The following IRS2 variants were observed in gnomAD, a reference collection of about 807,000 sequenced individuals.
IRS2 encodes the protein insulin receptor substrate 2.
IRS2 carries 28 observed loss-of-function variants against 70.9 expected under a neutral mutation model. The observed-to-expected ratio is 0.39, with a 90% CI of 0.29 to 0.54. The LOEUF is 0.54. Among genes scored for constraint, IRS2 ranks in the 20% least tolerant of loss-of-function variants. The probability of loss-of-function intolerance (pLI) is 0.59; values close to 1 mark genes in which losing one functional copy is unlikely to be tolerated. For missense variants in IRS2, 2,081 were observed against 2,024.1 expected (o/e 1.03, Z -0.54); for synonymous variants, 1,217 against 981.9 (o/e 1.24, Z -4.48).
At chr13:109,780,305 G>A (rs559292213) in intron 1 of IRS2, among the ~76,000 whole-genome samples, 2 of 152,252 alleles carry the variant, frequency 1.3e-5, no homozygotes, top group Admixed American at 1.3e-4. Flanking sequence ...GTTTATAATG[G>A]TCTGTGTCTT....
chr13:109,766,274 G>A (rs71439387), intron 1 of IRS2, among the ~76,000 whole-genome samples: 2 of 4,464 alleles, frequency 4.5e-4, no homozygotes, highest in South Asian at 0.014. Flanking sequence ...ATCCACCCTG[G>A]CTCCGACTCC....
At chr13:109,761,182 C>T (rs542885537) in intron 1 of IRS2, among the ~76,000 whole-genome samples, 38 of 152,328 alleles carry the variant, frequency 2.5e-4, no homozygotes, top group Non-Finnish European at 5.0e-4. Flanking sequence ...CCACGTAGGG[C>T]CCCATGGCAC....
At chr13:109,779,642 G>A (rs931487891) in intron 1 of IRS2, among the ~76,000 whole-genome samples, 8 of 152,136 alleles carry the variant, frequency 5.3e-5, no homozygotes, top group African/African-American at 1.9e-4. Context: ...ACCCAATGGG[G>A]CAGATATTTC....
rs2138931814 is a variant in IRS2, at chr13:109,783,146, G to A, written c.2908C>T (p.Arg970Trp). The change falls in exon 1 of 2, where the codon CGG becomes TGG. Residue 970 changes from arginine (R) to tryptophan (W), a missense_variant. By Grantham distance (101) the Arg-to-Trp change is moderately radical. This residue lies in a region of IRS2 where 1,615 missense variants were observed against 1,459.5 expected (regional missense o/e 1.11). Coordinates refer to ENST00000375856, the MANE Select transcript of IRS2 (RefSeq NM_003749.3). ...TAGTCGGAGAGCGGAGACCGCTGCC[G>A]GCTGTCGCTGCTGGTGCCCGGGGTG... ...SGTPGTSSDS[R>W]QRSPLSDYMN... The A allele has an allele frequency of 1.4e-6, 2 of 1,380,118 alleles. No homozygotes were observed. The highest frequency in any genetic ancestry group is 1.5e-5 in the African/African-American group (1 of 65,460). 85.5% of individuals were successfully genotyped at this position (1,380,118 alleles called of 1,614,324 possible). A position where few individuals can be genotyped will look rare whatever the true frequency, so the allele number is the denominator to read the frequency against.
At chr13:109,781,941 G>A in intron 1 of IRS2, 101 bp downstream of exon 1, 1 of 1,347,832 alleles carries the variant, frequency 7.4e-7, no homozygotes, top group Non-Finnish European at 1.0e-6. Context: ...GTCGGCTTCT[G>A]GGTCAAGGTC....
intron 1 of IRS2, among the ~76,000 whole-genome samples, chr13:109,767,274 G>A (rs77419996): frequency 0.042 from 6,330 of 152,204 alleles, 169 homozygotes; most frequent in Admixed American, 0.055. Flanking sequence ...GTCCAGGCGG[G>A]CCACACCGGG....
Position 109,782,741 on chromosome 13 carries a change from C to T in IRS2, c.3313G>A (p.Val1105Met), listed in dbSNP as rs1258579269. 5 of 1,598,292 alleles carry T rather than the reference C, an allele frequency of 3.1e-6. No homozygotes were observed. The highest frequency in any genetic ancestry group is 1.7e-5 in the Admixed American group (1 of 58,590). The change falls in exon 1 of 2, where the codon GTG (valine) becomes ATG (methionine). Residue 1105 changes from valine (V) to methionine (M), a missense_variant. By Grantham distance (21) the Val-to-Met change is conservative. Around this residue, in one of 4 missense-constraint regions of IRS2, gnomAD observed 1,615 missense variants for 1,459.5 expected, o/e 1.11. Coordinates refer to ENST00000375856, the MANE Select transcript of IRS2 (RefSeq NM_003749.3). The stretch of plus-strand genomic sequence containing the variant: ...TGCTCCATGAGGCTCAGCCTCTTCA[C>T]GCCCGACGTCGGGCTGGCCACGCGG... ...AARVASPTSG[V>M]KRLSLMEQVS... is the part of the protein sequence containing the mutation.
chr13:109,758,371 G>A (rs1316190823), intron 1 of IRS2, among the ~76,000 whole-genome samples: 1 of 152,222 alleles, frequency 6.6e-6, no homozygotes, highest in East Asian at 1.9e-4. Context: ...TTAGCTAAAT[G>A]TGGCTGAATT....
Position 109,786,131 on chromosome 13 carries a change from G to A in IRS2, c.-78C>T, listed in dbSNP as rs1454240122. 7.1e-6 allele frequency: 6 copies of A among 846,650 alleles called. No homozygotes were observed. The highest frequency in any genetic ancestry group is 8.5e-6 in the Non-Finnish European group (6 of 705,774). The allele number at this position is 846,650 out of a possible 1,614,324, so 52.4% of individuals were successfully genotyped here. On this transcript the variant is annotated 5_prime_UTR_variant, in exon 1 of 2. Transcript: ENST00000375856. The surrounding 1 kb of genome is among the most constrained non-coding windows in gnomAD (Gnocchi z 4.4). ...AGGGGCGGAGGGGGCGCGGGCGGGG[G>A]CGGCTCCCTCCCACCCTTGCGCCCG...
At chr13:109,773,275 C>G (rs1218216049) in intron 1 of IRS2, among the ~76,000 whole-genome samples, 1 of 152,082 alleles carries the variant, frequency 6.6e-6, no homozygotes, top group South Asian at 2.1e-4. Context: ...CTAGCAACAA[C>G]TGATTAGTTA....
intron 1 of IRS2, among the ~76,000 whole-genome samples, chr13:109,778,367 T>C (rs1039212058): frequency 6.6e-6 from 1 of 152,224 alleles, no homozygotes; most frequent in Non-Finnish European, 1.5e-5. Context: ...TGTAAAGGTT[T>C]CTCTTTCAAT....
chr13:109,782,573 C>T lies in IRS2; in HGVS notation c.3481G>A (p.Val1161Met). The change falls in exon 1 of 2, where the codon GTG (valine) becomes ATG (methionine). Residue 1161 changes from valine to methionine, a missense_variant. Transcript: ENST00000375856. ...TFSSTTTVTP[V>M]SPSFAHNPKR... Reference sequence around the variant, plus strand: ...GGGTTGTGGGCGAAGGACGGGGACACGGGGGTGACCGTCGTGGTGGAGGAG... The same window carrying T: ...GGGTTGTGGGCGAAGGACGGGGACATGGGGGTGACCGTCGTGGTGGAGGAG... 1.3e-6 allele frequency: 2 copies of T among 1,570,512 alleles called. No individual in the cohort carries two copies. Among genetic ancestry groups the T allele is most frequent in the Non-Finnish European group, 8.6e-7 (1 of 1,158,358 alleles).
At chr13:109,776,335 G>A (rs1877578759) in intron 1 of IRS2, among the ~76,000 whole-genome samples, 1 of 152,136 alleles carries the variant, frequency 6.6e-6, no homozygotes, top group Admixed American at 6.5e-5. Context: ...AAGAAAACTG[G>A]ACAGAGTTTC....
rs2138932526 is a variant in IRS2 at position 109,783,408 on chromosome 13, G to A, written c.2646C>T (p.Gly882=). Residue 882 remains glycine, a synonymous_variant, in exon 1 of 2, where the codon GGC becomes GGT. Transcript: ENST00000375856. ...TGGGCCTCACCGCCCGGCCGCGCTG[G>A]CCCAAGAAGCCCTCCGGGCGGCCGC... ...PSGGRPEGFL[G]QRGRAVRPTR... 14 of 1,483,154 alleles carry A rather than the reference G, an allele frequency of 9.4e-6. No homozygotes were observed. The highest frequency in any genetic ancestry group is 1.2e-5 in the Non-Finnish European group (14 of 1,126,892). 91.9% of individuals were successfully genotyped at this position (1,483,154 alleles called of 1,614,324 possible). A position where few individuals can be genotyped will look rare whatever the true frequency, so the allele number is the denominator to read the frequency against.
intron 1 of IRS2, among the ~76,000 whole-genome samples, chr13:109,772,789 G>A (rs943299863): frequency 2.7e-5 from 4 of 148,978 alleles, no homozygotes; most frequent in East Asian, 4.0e-4. Context: ...TCCGCTTCCC[G>A]GGTTCACGCC....
chr13:109,752,960 C>CT lies in IRS2; in HGVS notation c.*3343dup, dbSNP rs11397558. 0.65 allele frequency: 78,657 copies of CT among 120,178 alleles called. 27,580 individuals are homozygous for CT. The highest frequency in any genetic ancestry group is 0.77 in the Middle Eastern group (164 of 212). 7.4% of individuals were successfully genotyped at this position (120,178 alleles called of 1,614,324 possible). ...GTGTCATGGAGGCAGCATTCTTCTTCTTTTTTTTTTTTTTTTTTGAGACGG... is the reference window on the plus strand; with the variant it reads ...GTGTCATGGAGGCAGCATTCTTCTTCTTTTTTTTTTTTTTTTTTTGAGACGG... On this transcript the variant is annotated 3_prime_UTR_variant, in exon 2 of 2. Transcript: ENST00000375856.
chr13:109,784,442 C>G lies in IRS2; in HGVS notation c.1612G>C (p.Glu538Gln), dbSNP rs1244469535. Reference sequence around the variant, plus strand: ...TCCATGGTCATGTACCCGTAGAACTCACCGCCGCCGCCGCCGTCTCGGGCC... The same window carrying G: ...TCCATGGTCATGTACCCGTAGAACTGACCGCCGCCGCCGCCGTCTCGGGCC... ...PPARDGGGGGEFYGYMTMDRP... is the reference protein window; with the variant it reads ...PPARDGGGGGQFYGYMTMDRP... Residue 538 changes from glutamate to glutamine, a missense_variant, in exon 1 of 2, where the codon GAG (glutamate) becomes CAG (glutamine). Around this residue, in one of 4 missense-constraint regions of IRS2, gnomAD observed 1,615 missense variants for 1,459.5 expected, o/e 1.11. Coordinates refer to ENST00000375856, the MANE Select transcript of IRS2 (RefSeq NM_003749.3). The surrounding 1 kb of genome is among the most constrained non-coding windows in gnomAD (Gnocchi z 5.2). 1 of 1,588,030 alleles carries G rather than the reference C, an allele frequency of 6.3e-7. No homozygotes were observed. The highest frequency in any genetic ancestry group is 8.6e-7 in the Non-Finnish European group (1 of 1,163,952).
At position 109,784,422 on chromosome 13, in the gene IRS2, G is replaced by A. The variant is rs759861660; in HGVS notation, c.1632C>T (p.Thr544=). ...GGGGEFYGYM[T]MDRPLSHCGR... ...CACAGTGGCTCAGGGGCCTGTCCAT[G>A]GTCATGTACCCGTAGAACTCACCGC... The change falls in exon 1 of 2, where the codon ACC becomes ACT. Residue 544 remains threonine (T), a synonymous_variant. Coordinates refer to ENST00000375856, the MANE Select transcript of IRS2 (RefSeq NM_003749.3). The surrounding 1 kb of genome is among the most constrained non-coding windows in gnomAD (Gnocchi z 5.2). 2 of 1,607,656 alleles carry A rather than the reference G, an allele frequency of 1.2e-6. No individual in the cohort carries two copies. The highest frequency in any genetic ancestry group is 1.7e-6 in the Non-Finnish European group (2 of 1,177,262).
chr13:109,773,291 T>C (rs1039778108), intron 1 of IRS2, among the ~76,000 whole-genome samples: 4 of 152,234 alleles, frequency 2.6e-5, no homozygotes, highest in African/African-American at 9.6e-5. Flanking sequence ...AGTTAGTTAT[T>C]GGTCCTTAGG....
Sources: allele counts gnomAD v4.1 joint callset (sites outside exome capture counted in the v4.1 genomes callset), GRCh38; gene constraint gnomAD v4.1.1; regional missense constraint gnomAD v4.1.1; non-coding constraint Gnocchi (gnomAD v3.1); transcripts MANE v1.5; gene names NCBI Gene and HGNC (gene_info 2026-07-23, HGNC 2026-07-21).